Variants in ZNF469 observed in about 807,000 individuals in gnomAD.
ZNF469 encodes zinc finger protein 469.
In ZNF469, 1 loss-of-function variant was observed where a neutral mutation model predicts 1.0. The ratio of observed to expected loss-of-function variants is 1.00; its 90% CI spans 0.35 to 4.73. The LOEUF (loss-of-function observed/expected upper bound fraction) is 4.73, where lower values mean the gene tolerates loss of function less well. Among genes scored for constraint, ZNF469 ranks in the 30% most tolerant of loss-of-function variants. The probability of loss-of-function intolerance (pLI) is 0.16; values close to 1 mark genes in which losing one functional copy is unlikely to be tolerated. For missense variants in ZNF469, 6,100 were observed against 5,356.3 expected (o/e 1.14, Z -4.33); for synonymous variants, 2,703 against 2,363.4 (o/e 1.14, Z -4.17).
At position 88,436,275 on chromosome 16, in the gene ZNF469, C is replaced by T. The variant is rs774772360; in HGVS notation, c.8805C>T (p.Pro2935=). 1.3e-5 allele frequency: 20 copies of T among 1,550,000 alleles called. No homozygotes were observed. The highest frequency in any genetic ancestry group is 1.7e-4 in the Middle Eastern group (1 of 5,816). Residue 2935 remains proline, a synonymous_variant, in exon 3 of 3, where the codon CCC becomes CCT. Transcript: ENST00000565624. ...AGGACGAGGATCCCGCAGGTCTGCC[C>T]GAGTCCTTCCTCCTGGATGGGTTCC... The part of the protein sequence containing the change: ...PWEDEDPAGL[P]ESFLLDGFLN...
the ZNF469 span, among the ~76,000 whole-genome samples, chr16:88,287,051 C>A: frequency 2.0e-5 from 3 of 152,292 alleles, no homozygotes; most frequent in African/African-American, 7.2e-5. Flanking sequence ...TAACTAGTGT[C>A]CCCAAACACT....
chr16:88,434,271 A>T lies in ZNF469; in HGVS notation c.6801A>T (p.Arg2267=), dbSNP rs542478842. 234 of 1,550,306 alleles carry T rather than the reference A, an allele frequency of 1.5e-4. 1 individual carries two copies. In the African/African-American group the frequency reaches 2.8e-3, roughly 18 times the overall value. ...AGAAGCTGTGGGAGTCTCCTGGCCG[A>T]GCCACCTCTCCTCCTCTGGCAGGGG... ...RKEKLWESPG[R]ATSPPLAGAV... Residue 2267 remains arginine (R), a synonymous_variant, in exon 3 of 3, where the codon CGA becomes CGT. Transcript: ENST00000565624.
chr16:88,397,016 A>AAGGGAGGCCGGGAGGAGACCCTCCTGG, intron 1 of ZNF469, among the ~76,000 whole-genome samples: 1 of 151,080 alleles, frequency 6.6e-6, no homozygotes, highest in African/African-American at 2.4e-5. Flanking sequence ...GACCCTCCTG[A>AAGGGAGGCCGGGAGGAGACCCTCCTGG]AGGGAGGCCG....
chr16:88,117,294 G>A, the ZNF469 span, among the ~76,000 whole-genome samples: 1 of 152,052 alleles, frequency 6.6e-6, no homozygotes. Flanking sequence ...GGCTGGGGAT[G>A]CGTGAGAGCC....
chr16:88,431,883 C>G lies in ZNF469; in HGVS notation c.4413C>G (p.Ser1471Arg), dbSNP rs776873127. 1.3e-6 allele frequency: 2 copies of G among 1,549,978 alleles called. No homozygotes were observed. The highest frequency in any genetic ancestry group is 1.7e-6 in the Non-Finnish European group (2 of 1,146,868). ...GATTCGACCCACCCCTCTATGGCAG[C>G]CTGTCTGCGAACAGGGACTCCGGTC... ...VDRFDPPLYGSLSANRDSGLP... is the reference protein window; with the variant it reads ...VDRFDPPLYGRLSANRDSGLP... Residue 1471 changes from serine to arginine, a missense_variant, in exon 3 of 3, where the codon AGC (serine) becomes AGG (arginine). Physicochemically the swap from Ser to Arg is moderately radical, Grantham distance 110. Transcript: ENST00000565624.
At chr16:88,105,049 C>A in the ZNF469 span, among the ~76,000 whole-genome samples, 1 of 152,130 alleles carries the variant, frequency 6.6e-6, no homozygotes, top group Non-Finnish European at 1.5e-5. Flanking sequence ...GACCCTATCT[C>A]TACAAGAAAC....
intron 1 of ZNF469, among the ~76,000 whole-genome samples, chr16:88,411,341 C>A (rs923719185): frequency 6.6e-6 from 1 of 152,042 alleles, no homozygotes; most frequent in African/African-American, 2.4e-5. Flanking sequence ...CAGAGCCCAA[C>A]GCAGCCCCGG....
the ZNF469 span, among the ~76,000 whole-genome samples, chr16:88,239,756 T>G: frequency 7.5e-6 from 1 of 132,476 alleles, no homozygotes; most frequent in African/African-American, 2.8e-5. Context: ...GAGACAGGGT[T>G]TCACTGTGTT....
At chr16:88,155,183 T>G in the ZNF469 span, among the ~76,000 whole-genome samples, 1 of 152,040 alleles carries the variant, frequency 6.6e-6, no homozygotes, top group Non-Finnish European at 1.5e-5. Flanking sequence ...AAGTCCAGAG[T>G]GGGCCATGGA....
chr16:88,433,496 C>T lies in ZNF469; in HGVS notation c.6026C>T (p.Pro2009Leu). 1.3e-6 allele frequency: 2 copies of T among 1,550,344 alleles called. No homozygotes were observed. Among genetic ancestry groups the T allele is most frequent in the Non-Finnish European group, 1.7e-6 (2 of 1,146,926 alleles). Residue 2009 changes from proline to leucine, a missense_variant, in exon 3 of 3, where the codon CCA becomes CTA. Pro to Leu is a moderately conservative substitution (Grantham distance 98). Coordinates refer to ENST00000565624, the MANE Select transcript of ZNF469 (RefSeq NM_001367624.2). ...CTTCAGCCAGAGAACGGGGTGAGCC[C>T]AGGGGGCACGGACAACCACGCCTCA... is the stretch of plus-strand genomic sequence containing the variant. ...NQLQPENGVS[P>L]GGTDNHASVN...
the ZNF469 span, among the ~76,000 whole-genome samples, chr16:88,326,791 C>A: frequency 6.6e-6 from 1 of 152,342 alleles, no homozygotes; most frequent in African/African-American, 2.4e-5. Flanking sequence ...CTGGCCAGGG[C>A]AGCACTCGGG....
At position 88,430,713 on chromosome 16, in the gene ZNF469, G is replaced by C; in HGVS notation, c.3243G>C (p.Arg1081=). ...GCTCCCTGGCGGCGGGGAGGCCCCG[G>C]CCCGGAGCTGAGGACCGCAGGCTCC... is the stretch of plus-strand genomic sequence containing the variant. ...RCGSLAAGRP[R]PGAEDRRLRE... Residue 1081 remains arginine (R), a synonymous_variant, in exon 3 of 3, where the codon CGG becomes CGC. Coordinates refer to ENST00000565624, the MANE Select transcript of ZNF469 (RefSeq NM_001367624.2). The C allele has an allele frequency of 2.0e-6, 3 of 1,487,758 alleles. No individual in the cohort carries two copies. Among genetic ancestry groups the C allele is most frequent in the South Asian group, 2.6e-5 (2 of 76,710 alleles). 92.2% of individuals were successfully genotyped at this position (1,487,758 alleles called of 1,614,324 possible).
chr16:88,148,257 T>G, the ZNF469 span, among the ~76,000 whole-genome samples: 1 of 152,130 alleles, frequency 6.6e-6, no homozygotes, highest in Non-Finnish European at 1.5e-5. Context: ...CTTCAGAGAC[T>G]CCCTCGGGGC....
At chr16:88,238,271 G>A in the ZNF469 span, among the ~76,000 whole-genome samples, 3 of 152,224 alleles carry the variant, frequency 2.0e-5, no homozygotes, top group African/African-American at 4.8e-5. Flanking sequence ...GAAGTTCCCC[G>A]TGGGAAGGGA....
rs1473811930 is a variant in ZNF469, at chr16:88,435,538, G to A, written c.8068G>A (p.Glu2690Lys). The change falls in exon 3 of 3, where the codon GAG (glutamate) becomes AAG (lysine). Residue 2690 changes from glutamate to lysine, a missense_variant. Physicochemically the swap from Glu to Lys is moderately conservative, Grantham distance 56. Coordinates refer to ENST00000565624, the MANE Select transcript of ZNF469 (RefSeq NM_001367624.2). ...SVEGGPEADG[E>K]QPPRLATLGP... ...GGAAGGAGGGCCTGAGGCTGACGGG[G>A]AGCAGCCGCCTCGCTTGGCCACTCT... 6.5e-6 allele frequency: 10 copies of A among 1,549,486 alleles called. No homozygotes were observed. Among genetic ancestry groups the A allele is most frequent in the Non-Finnish European group, 7.0e-6 (8 of 1,146,992 alleles).
chr16:88,349,083 T>C, the ZNF469 span, among the ~76,000 whole-genome samples: 2 of 152,128 alleles, frequency 1.3e-5, no homozygotes, highest in Non-Finnish European at 2.9e-5. Context: ...CAGGCCAGCA[T>C]GGCTCTGGGC....
chr16:88,149,358 G>T, the ZNF469 span, among the ~76,000 whole-genome samples: 18 of 152,106 alleles, frequency 1.2e-4, no homozygotes, highest in Non-Finnish European at 2.2e-4. Context: ...CATTTTCACA[G>T]AAAAGACCAA....
At chr16:88,385,642 CAAAAAAAAAA>C (rs66861611) in intron 1 of ZNF469, among the ~76,000 whole-genome samples, 1 of 133,200 alleles carries the variant, frequency 7.5e-6, no homozygotes, top group Non-Finnish European at 1.6e-5. Flanking sequence ...GACTCTGTCT[CAAAAAAAAAA>C]AAAAAAAATT....
intron 1 of ZNF469, among the ~76,000 whole-genome samples, chr16:88,394,067 G>A (rs1412526390): frequency 2.6e-5 from 4 of 151,962 alleles, no homozygotes; most frequent in African/African-American, 7.3e-5. Context: ...CTACACCTGC[G>A]CTGCCTGAGA....
Sources: allele counts gnomAD v4.1 joint callset (sites outside exome capture counted in the v4.1 genomes callset), GRCh38; gene constraint gnomAD v4.1.1; transcripts MANE v1.5; gene names NCBI Gene and HGNC (gene_info 2026-07-23, HGNC 2026-07-21).